The following MITF variants were observed in gnomAD, a reference collection of about 807,000 sequenced individuals.
MITF encodes microphthalmia-associated transcription factor.
MITF carries 17 observed loss-of-function variants against 60.5 expected under a neutral mutation model. That is an observed-to-expected ratio of 0.28 (90% confidence interval 0.19 to 0.42). The LOEUF (loss-of-function observed/expected upper bound fraction) is 0.42, where lower values mean the gene tolerates loss of function less well. Among genes scored for constraint, MITF ranks in the 10% least tolerant of loss-of-function variants. The pLI is 1.00. For synonymous variants in MITF, 260 were observed against 248.5 expected (o/e 1.05, Z -0.43); for missense variants, 622 against 683.5 (o/e 0.91, Z 1.00).
intron 2 of MITF, among the ~76,000 whole-genome samples, chr3:69,915,472 C>A (rs1443507237): frequency 1.3e-5 from 2 of 151,480 alleles, no homozygotes; most frequent in Admixed American, 1.3e-4. Context: ...ATTGCCACTT[C>A]ATATATATAT....
chr3:69,833,244 G>A (rs971790888), intron 1 of MITF, among the ~76,000 whole-genome samples: 1 of 151,912 alleles, frequency 6.6e-6, no homozygotes, highest in African/African-American at 2.4e-5. Flanking sequence ...CACTGTATGT[G>A]GTTATTTTTC....
intron 2 of MITF, among the ~76,000 whole-genome samples, chr3:69,923,685 C>T (rs958768957): frequency 3.9e-5 from 6 of 152,142 alleles, no homozygotes; most frequent in Admixed American, 3.9e-4. Context: ...ATTTTCCTAC[C>T]TCCTTTAAAA....
chr3:69,961,808 G>A (rs553550821), intron 9 of MITF, among the ~76,000 whole-genome samples: 3 of 152,324 alleles, frequency 2.0e-5, no homozygotes, highest in African/African-American at 7.2e-5. Context: ...TTTTGAAAGA[G>A]AAGCTAGGTT....
At chr3:69,833,248 A>G (rs368372399) in intron 1 of MITF, among the ~76,000 whole-genome samples, 6 of 143,878 alleles carry the variant, frequency 4.2e-5, no homozygotes, top group Admixed American at 2.1e-4. Context: ...GTATGTGGTT[A>G]TTTTTCTATT....
chr3:69,947,445 A>G (rs942854676), intron 5 of MITF, among the ~76,000 whole-genome samples: 4 of 152,320 alleles, frequency 2.6e-5, no homozygotes, highest in Non-Finnish European at 5.9e-5. Flanking sequence ...ACACACACAG[A>G]GCAAGGTTGA....
At chr3:69,776,711 T>C (rs2062479372) in intron 1 of MITF, among the ~76,000 whole-genome samples, 1 of 152,298 alleles carries the variant, frequency 6.6e-6, no homozygotes, top group South Asian at 2.1e-4. Context: ...TGCGGATGAT[T>C]CTAGTTATAA....
chr3:69,771,252 T>TG (rs2062389602), intron 1 of MITF, among the ~76,000 whole-genome samples: 1 of 151,820 alleles, frequency 6.6e-6, no homozygotes, highest in Non-Finnish European at 1.5e-5. Context: ...AACATGGGTT[T>TG]TTTTTTTTTT....
intron 1 of MITF, chr3:69,769,363 C>T (rs777920155): frequency 3.9e-5 from 6 of 152,134 alleles, no homozygotes; most frequent in Non-Finnish European, 8.8e-5. Context: ...AACTATTTTT[C>T]CTGCCATCAT....
intron 6 of MITF, among the ~76,000 whole-genome samples, chr3:69,949,474 C>T (rs1476482347): frequency 1.3e-5 from 2 of 151,996 alleles, no homozygotes; most frequent in African/African-American, 4.8e-5. Context: ...TAGTAGGCAA[C>T]TCTTTCAGCT....
At chr3:69,812,922 A>C (rs1321325545) in intron 1 of MITF, among the ~76,000 whole-genome samples, 1 of 152,198 alleles carries the variant, frequency 6.6e-6, no homozygotes, top group East Asian at 1.9e-4. Flanking sequence ...AAAATCTATT[A>C]AAGATCCTTT....
chr3:69,936,579 T>C, intron 2 of MITF: 1 of 1,515,780 alleles, frequency 6.6e-7, no homozygotes, highest in Non-Finnish European at 8.9e-7. Flanking sequence ...AGGGCTTCTG[T>C]GATAAAGTTT....
chr3:69,953,641 ATG>A (rs1192611687), intron 7 of MITF, among the ~76,000 whole-genome samples: 5 of 133,900 alleles, frequency 3.7e-5, no homozygotes, highest in Non-Finnish European at 4.7e-5. Context: ...ATATATATAT[ATG>A]TATGTATATA....
intron 6 of MITF, 86 bp downstream of exon 6, chr3:69,949,254 C>T: frequency 4.1e-6 from 4 of 980,300 alleles, no homozygotes; most frequent in Non-Finnish European, 6.6e-6. Flanking sequence ...GATGTGCAAA[C>T]TATATCCAAC....
chr3:69,827,202 A>G (rs1009479335), intron 1 of MITF, among the ~76,000 whole-genome samples: 1 of 152,140 alleles, frequency 6.6e-6, no homozygotes, highest in African/African-American at 2.4e-5. Context: ...TTTAGTGAGG[A>G]CTTGAGAAAA....
chr3:69,847,316 T>C (rs2063749054), intron 1 of MITF, among the ~76,000 whole-genome samples: 1 of 152,226 alleles, frequency 6.6e-6, no homozygotes, highest in Non-Finnish European at 1.5e-5. Flanking sequence ...AAGACAGTGT[T>C]GGAGTCATGC....
chr3:69,954,921 T>C (rs1389450849), intron 7 of MITF, among the ~76,000 whole-genome samples: 2 of 152,230 alleles, frequency 1.3e-5, no homozygotes, highest in Non-Finnish European at 2.9e-5. Context: ...GCATATATTC[T>C]GGTATTTAGA....
intron 1 of MITF, among the ~76,000 whole-genome samples, chr3:69,814,148 G>C (rs2063144129): frequency 6.6e-6 from 1 of 151,658 alleles, no homozygotes; most frequent in African/African-American, 2.4e-5. Flanking sequence ...GCAACTCTCT[G>C]CCACTGCGGT....
chr3:69,844,378 C>T (rs903823944), intron 1 of MITF, among the ~76,000 whole-genome samples: 11 of 152,126 alleles, frequency 7.2e-5, no homozygotes, highest in Non-Finnish European at 2.9e-5. Context: ...GGAAAGGATT[C>T]CCTATTTAAT....
At chr3:69,902,011 G>A (rs985597986) in intron 2 of MITF, among the ~76,000 whole-genome samples, 2 of 152,152 alleles carry the variant, frequency 1.3e-5, no homozygotes, top group African/African-American at 2.4e-5. Flanking sequence ...CTTTATAACT[G>A]TTTGCTTTGC....
Sources: allele counts gnomAD v4.1 joint callset (sites outside exome capture counted in the v4.1 genomes callset), GRCh38; gene constraint gnomAD v4.1.1; transcripts MANE v1.5; gene names NCBI Gene and HGNC (gene_info 2026-07-23, HGNC 2026-07-21).